Variants in GAS2 observed in about 807,000 individuals in gnomAD.
GAS2 encodes growth arrest-specific protein 2.
A neutral mutation model predicts 37.5 loss-of-function variants in GAS2; 20 were observed. That is an observed-to-expected ratio of 0.53 (90% CI 0.37 to 0.77). The LOEUF (loss-of-function observed/expected upper bound fraction) is 0.77, where lower values mean the gene tolerates loss of function less well. Among genes scored for constraint, GAS2 ranks in the 30% least tolerant of loss-of-function variants. The pLI, the probability that GAS2 is intolerant of heterozygous loss-of-function variation, is 0.00. For synonymous variants in GAS2, 144 were observed against 132.2 expected, an observed-to-expected ratio of 1.09 and a Z score of -0.61; for missense variants, 336 against 373.4, an observed-to-expected ratio of 0.90 and a Z score of 0.82.
At chr11:22,711,878 C>T (rs1292574095) in intron 3 of GAS2, among the ~76,000 whole-genome samples, 2 of 152,286 alleles carry the variant, frequency 1.3e-5, no homozygotes, top group East Asian at 1.9e-4. Context: ...TCAGCTCAAA[C>T]CCACCTAACC....
intron 1 of GAS2, among the ~76,000 whole-genome samples, chr11:22,640,715 C>T (rs891424885): frequency 6.6e-6 from 1 of 152,000 alleles, no homozygotes; most frequent in Non-Finnish European, 1.5e-5. Flanking sequence ...GTTTAATCAC[C>T]TGTATTCATA....
At chr11:22,653,893 T>G (rs952908000) in intron 1 of GAS2, among the ~76,000 whole-genome samples, 2 of 152,182 alleles carry the variant, frequency 1.3e-5, no homozygotes, top group African/African-American at 4.8e-5. Flanking sequence ...CCTATTCTAC[T>G]CACTCTTAGG....
chr11:22,654,142 T>C (rs1398674630), intron 1 of GAS2, among the ~76,000 whole-genome samples: 1 of 152,220 alleles, frequency 6.6e-6, no homozygotes, highest in Non-Finnish European at 1.5e-5. Flanking sequence ...ATAGAATCCA[T>C]GAGCAAAATA....
chr11:22,725,630 T>A (rs1852164045), intron 3 of GAS2, among the ~76,000 whole-genome samples: 2 of 152,080 alleles, frequency 1.3e-5, no homozygotes. Flanking sequence ...TACCATTATG[T>A]TGCCCAGGTT....
intron 7 of GAS2, among the ~76,000 whole-genome samples, chr11:22,761,354 T>C (rs1304214830): frequency 1.3e-5 from 2 of 152,202 alleles, no homozygotes; most frequent in Non-Finnish European, 2.9e-5. Flanking sequence ...ATAGAACATC[T>C]ATGTGATAAG....
At chr11:22,682,732 G>A (rs906155389) in intron 2 of GAS2, among the ~76,000 whole-genome samples, 4 of 151,744 alleles carry the variant, frequency 2.6e-5, no homozygotes, top group Non-Finnish European at 4.4e-5. Flanking sequence ...ACCAAAATTA[G>A]GTGGGCATGG....
At chr11:22,737,566 G>A in intron 4 of GAS2, 139 bp from the exon 5 acceptor site, 1 of 746,326 alleles carries the variant, frequency 1.3e-6, no homozygotes, top group African/African-American at 1.7e-5. Context: ...TTGAGGTATG[G>A]GATGGGTTCT....
chr11:22,765,040 A>C (rs1271598807), intron 7 of GAS2, among the ~76,000 whole-genome samples: 2 of 152,240 alleles, frequency 1.3e-5, no homozygotes, highest in African/African-American at 4.8e-5. Context: ...TTAAGGAAGC[A>C]TTGAAAAGTC....
chr11:22,662,359 A>G (rs1208128138), upstream of GAS2, among the ~76,000 whole-genome samples: 1 of 152,236 alleles, frequency 6.6e-6, no homozygotes, highest in African/African-American at 2.4e-5. Context: ...TCTGGATTCT[A>G]AACTATTAAA....
chr11:22,695,187 G>A (rs1209490993), intron 3 of GAS2, among the ~76,000 whole-genome samples: 1 of 152,056 alleles, frequency 6.6e-6, no homozygotes, highest in East Asian at 1.9e-4. Context: ...TGGGTGTGGT[G>A]GCATGCACCT....
At chr11:22,753,787 C>T (rs887336731) in intron 6 of GAS2, among the ~76,000 whole-genome samples, 11 of 152,062 alleles carry the variant, frequency 7.2e-5, no homozygotes, top group African/African-American at 1.4e-4. Context: ...CATGTATATA[C>T]ACACATTTAT....
chr11:22,652,442 G>A (rs940580464), intron 1 of GAS2, among the ~76,000 whole-genome samples: 3 of 152,206 alleles, frequency 2.0e-5, no homozygotes, highest in Non-Finnish European at 4.4e-5. Flanking sequence ...GCTGTGGTGG[G>A]CTCCATCCAG....
At chr11:22,753,510 T>C (rs1399447231) in intron 6 of GAS2, among the ~76,000 whole-genome samples, 1 of 152,110 alleles carries the variant, frequency 6.6e-6, no homozygotes, top group African/African-American at 2.4e-5. Flanking sequence ...GTGATTGTCA[T>C]TTTTTAGTGG....
At chr11:22,637,234 T>C (rs1374895487) in intron 1 of GAS2, among the ~76,000 whole-genome samples, 1 of 69,172 alleles carries the variant, frequency 1.4e-5, no homozygotes, top group East Asian at 3.6e-4. Context: ...ACTAATATAA[T>C]ATTAATTATA....
At chr11:22,735,280 T>G (rs140754346) in intron 4 of GAS2, among the ~76,000 whole-genome samples, 115 of 151,024 alleles carry the variant, frequency 7.6e-4, no homozygotes, top group African/African-American at 2.7e-3. Flanking sequence ...TATTCGTATT[T>G]GAAAAACTAT....
chr11:22,697,905 C>T (rs1185441572), intron 3 of GAS2, among the ~76,000 whole-genome samples: 1 of 152,130 alleles, frequency 6.6e-6, no homozygotes, highest in African/African-American at 2.4e-5. Flanking sequence ...GACAATTTGA[C>T]TTCCTCTTTT....
chr11:22,652,337 G>C (rs548945023), intron 1 of GAS2, among the ~76,000 whole-genome samples: 42 of 152,242 alleles, frequency 2.8e-4, no homozygotes, highest in Middle Eastern at 3.4e-3. Context: ...TGTCAGACAG[G>C]GCCATTTAAG....
chr11:22,701,101 T>C (rs1850816762), intron 3 of GAS2, among the ~76,000 whole-genome samples: 1 of 152,144 alleles, frequency 6.6e-6, no homozygotes, highest in Admixed American at 6.6e-5. Flanking sequence ...TCTATAAAAC[T>C]GCAGGAGAGA....
At chr11:22,676,657 T>C (rs1434307069) in intron 2 of GAS2, among the ~76,000 whole-genome samples, 2 of 152,206 alleles carry the variant, frequency 1.3e-5, no homozygotes, top group Non-Finnish European at 2.9e-5. Context: ...GTAAACACTA[T>C]ATTGTTGTTA....
Sources: gnomAD v4.1 joint callset for allele counts (sites outside exome capture counted in the v4.1 genomes callset) on GRCh38, gnomAD v4.1.1 for gene constraint, MANE v1.5 for transcripts, NCBI Gene and HGNC (gene_info 2026-07-23, HGNC 2026-07-21) for gene names.